USP3: variants seen among roughly 807,000 people sequenced by gnomAD.
USP3 encodes the protein ubiquitin carboxyl-terminal hydrolase 3.
In USP3, 20 loss-of-function variants were observed where a neutral mutation model predicts 72.3. That is an observed-to-expected ratio of 0.28 (90% CI 0.19 to 0.40). The LOEUF (loss-of-function observed/expected upper bound fraction) is 0.40, where lower values mean the gene tolerates loss of function less well. Among genes scored for constraint, USP3 ranks in the 10% least tolerant of loss-of-function variants. The pLI, the probability that USP3 is intolerant of heterozygous loss-of-function variation, is 1.00. For missense variants in USP3, 479 were observed against 633.9 expected (o/e 0.76, Z 2.62); for synonymous variants, 222 against 225.3 (o/e 0.99, Z 0.13).
intron 8 of USP3, among the ~76,000 whole-genome samples, chr15:63,569,200 T>C (rs2066741346): frequency 6.6e-6 from 1 of 152,226 alleles, no homozygotes; most frequent in Non-Finnish European, 1.5e-5. Context: ...TTGTATTAAA[T>C]AAGTTTAAGG....
intron 1 of USP3, among the ~76,000 whole-genome samples, chr15:63,531,546 GCTTA>G (rs1333834741): frequency 6.6e-6 from 1 of 152,154 alleles, no homozygotes; most frequent in Admixed American, 6.5e-5. Context: ...CGCTGAAAGG[GCTTA>G]CAGTTCTCCA....
rs1331175773 is a variant in USP3, at chr15:63,521,944, G to C, written c.92-10703G>C. 2.6e-5 allele frequency among the ~76,000 whole-genome samples: 4 copies of C among 152,146 alleles called. No individual in the cohort carries two copies. The East Asian group carries it at 5.8e-4, about 22-fold the overall frequency. On this transcript the variant is annotated intron_variant, in intron 1 of 14. Transcript: ENST00000380324. ...CCAGATGCTGCTGCTGGTCTCCTCCGGTGATTTGTTTATTTGAGACAAAAT... is the reference window on the plus strand; with the variant it reads ...CCAGATGCTGCTGCTGGTCTCCTCCCGTGATTTGTTTATTTGAGACAAAAT...
intron 14 of USP3, 98 bp from the exon 15 acceptor site, chr15:63,590,563 T>G: frequency 8.7e-7 from 1 of 1,153,268 alleles, no homozygotes; most frequent in Non-Finnish European, 1.2e-6. Context: ...AAGTCTAGGA[T>G]GTATTCTTAT....
rs1197944859 is a variant in USP3 at position 63,528,280 on chromosome 15, C to G, written c.92-4367C>G. ...CAATCTGAGTAAAAGATGAGTTTCA[C>G]TTATGAGACTCCCAGTCACACCGCT... is the stretch of plus-strand genomic sequence containing the variant. On this transcript the variant is annotated intron_variant, in intron 1 of 14. Coordinates refer to ENST00000380324, the MANE Select transcript of USP3 (RefSeq NM_006537.4). The surrounding 1 kb of genome is among the most constrained non-coding windows in gnomAD (Gnocchi z 4.3). 1 of 152,172 alleles carries G rather than the reference C, an allele frequency of 6.6e-6. No homozygotes were observed. The highest frequency in any genetic ancestry group is 2.4e-5 in the African/African-American group (1 of 41,426). 9.4% of individuals were successfully genotyped at this position (152,172 alleles called of 1,614,324 possible).
intron 8 of USP3, 121 bp downstream of exon 8, chr15:63,563,129 TTTTTTC>T: frequency 1.5e-6 from 1 of 655,916 alleles, no homozygotes; most frequent in South Asian, 3.6e-5. Context: ...GGTTTGGTGT[TTTTTTC>T]TTTTTAAGAA....
At chr15:63,504,932 G>C in intron 1 of USP3, 102 bp downstream of exon 1, 1 of 940,524 alleles carries the variant, frequency 1.1e-6, no homozygotes. Flanking sequence ...GACTCGGGGA[G>C]GGGCGAGGGC....
chr15:63,536,932 A>T, intron 2 of USP3, 93 bp from the exon 3 acceptor site: 1 of 1,326,418 alleles, frequency 7.5e-7, no homozygotes, highest in Non-Finnish European at 1.0e-6. Flanking sequence ...GGATTTCTTT[A>T]TTTTGATTTG....
intron 1 of USP3, among the ~76,000 whole-genome samples, chr15:63,515,274 G>T (rs570582683): frequency 3.2e-4 from 48 of 152,304 alleles, no homozygotes; most frequent in African/African-American, 1.1e-3. Flanking sequence ...TGTGGTAGAA[G>T]GAACCATAAC....
intron 1 of USP3, among the ~76,000 whole-genome samples, chr15:63,519,792 A>G (rs995161918): frequency 2.6e-5 from 4 of 152,168 alleles, no homozygotes; most frequent in African/African-American, 7.2e-5. Context: ...GTTAGTTGGC[A>G]TTCTGCTATA....
chr15:63,537,736 A>G (rs1479447217), intron 3 of USP3, among the ~76,000 whole-genome samples: 5 of 152,066 alleles, frequency 3.3e-5, no homozygotes, highest in East Asian at 1.9e-4. Flanking sequence ...CCCAGGCTGG[A>G]GTGCAATGGC....
rs745854196 is a variant in USP3, at chr15:63,556,718, A to G, written c.420A>G (p.Ser140=). 8.7e-6 allele frequency: 14 copies of G among 1,607,298 alleles called. No individual in the cohort carries two copies. In the Admixed American group the frequency reaches 1.7e-4, roughly 19 times the overall value. The part of the protein sequence containing the change: ...RHKKRKLLEN[S]TLNSKLLKVN... ...AGAAAAGAAAACTTTTGGAAAACTC[A>G]ACACTAAACAGCAAGTTATTAAAAG... The change falls in exon 5 of 15, where the codon TCA becomes TCG. Residue 140 remains serine (S), a synonymous_variant. Transcript: ENST00000380324.
At position 63,588,785 on chromosome 15, in the gene USP3, A is replaced by G; in HGVS notation, c.1299A>G (p.Arg433=). 1 of 1,614,164 alleles carries G rather than the reference A, an allele frequency of 6.2e-7. No individual in the cohort carries two copies. The highest frequency in any genetic ancestry group is 8.5e-7 in the Non-Finnish European group (1 of 1,179,978). The change falls in exon 13 of 15, where the codon AGA becomes AGG. Residue 433 remains arginine, a synonymous_variant. Transcript: ENST00000380324. The surrounding 1 kb of genome is among the most constrained non-coding windows in gnomAD (Gnocchi z 4.6). ...KVDTYVEFPL[R]GLDMKCYLLE... is the part of the protein sequence containing the mutation. ...ATACATACGTAGAATTTCCACTGAG[A>G]GGCCTAGACATGAAATGCTACTTAC...
intron 11 of USP3, among the ~76,000 whole-genome samples, chr15:63,579,847 T>TATATTCAAGAAAATGTA (rs2066922988): frequency 6.6e-6 from 1 of 152,204 alleles, no homozygotes; most frequent in Non-Finnish European, 1.5e-5. Context: ...AATCCTCACT[T>TATATTCAAGAAAATGTA]ATATTCAAGA....
Position 63,570,373 on chromosome 15 carries a change from T to C in USP3, c.762-60T>C, listed in dbSNP as rs2066759517. 6.2e-7 allele frequency: 1 copy of C among 1,608,870 alleles called. No individual in the cohort carries two copies. The highest frequency in any genetic ancestry group is 8.5e-7 in the Non-Finnish European group (1 of 1,178,428). On this transcript the variant is annotated intron_variant, in intron 8 of 14. Coordinates refer to ENST00000380324, the MANE Select transcript of USP3 (RefSeq NM_006537.4). This position sits in a 1 kb window ranked among gnomAD's most constrained non-coding sequence, Gnocchi z 4.4. ...TTTCCACGCCTTGGCCTCTTGCTGG[T>C]GTGGCTGGGCACAAAGAGCCCTCCA... is the stretch of plus-strand genomic sequence containing the variant.
Position 63,588,529 on chromosome 15 carries a change from C to G in USP3, c.1215+106C>G, listed in dbSNP as rs773374690. ...TATGTGAACTGTTCTGTATTTTTCT[C>G]TAGGATTTTCAGTAAAAGCTAAACC... is the stretch of plus-strand genomic sequence containing the variant. On this transcript the variant is annotated intron_variant, in intron 12 of 14. Transcript: ENST00000380324. This position sits in a 1 kb window ranked among gnomAD's most constrained non-coding sequence, Gnocchi z 4.6. 2 of 1,034,462 alleles carry G rather than the reference C, an allele frequency of 1.9e-6. No individual in the cohort carries two copies. Among genetic ancestry groups the G allele is most frequent in the Admixed American group, 4.5e-5 (2 of 44,176 alleles). The allele number at this position is 1,034,462 out of a possible 1,614,324, so 64.1% of individuals were successfully genotyped here. A position where few individuals can be genotyped will look rare whatever the true frequency, so the allele number is the denominator to read the frequency against.
At chr15:63,545,640 A>G (rs1283399351) in intron 3 of USP3, among the ~76,000 whole-genome samples, 1 of 151,966 alleles carries the variant, frequency 6.6e-6, no homozygotes, top group Non-Finnish European at 1.5e-5. Flanking sequence ...TCTATTAAAT[A>G]TAGTCCTTAT....
At chr15:63,541,605 T>C (rs2152663988) in intron 3 of USP3, among the ~76,000 whole-genome samples, 1 of 152,268 alleles carries the variant, frequency 6.6e-6, no homozygotes, top group East Asian at 1.9e-4. Flanking sequence ...GCTCTGCAGG[T>C]ATTCTTCTAA....
At chr15:63,542,654 G>T (rs1452640879) in intron 3 of USP3, among the ~76,000 whole-genome samples, 2 of 151,956 alleles carry the variant, frequency 1.3e-5, no homozygotes, top group Non-Finnish European at 2.9e-5. Flanking sequence ...GCCATTTCTC[G>T]TTTTAAAAAA....
In USP3 at chr15:63,570,728, C is replaced by T. The variant is rs1009398613; in HGVS notation, c.908+149C>T. Reference sequence around the variant, plus strand: ...CCCTTGAACTTTGTGACCCAGTGAACTAGCACATACCTCTTGCTTCTAGAC... The same window carrying T: ...CCCTTGAACTTTGTGACCCAGTGAATTAGCACATACCTCTTGCTTCTAGAC... On this transcript the variant is annotated intron_variant, in intron 9 of 14. Coordinates refer to ENST00000380324, the MANE Select transcript of USP3 (RefSeq NM_006537.4). The surrounding 1 kb of genome is among the most constrained non-coding windows in gnomAD (Gnocchi z 4.4). 2.0e-5 allele frequency: 22 copies of T among 1,099,426 alleles called. No homozygotes were observed. Among genetic ancestry groups the T allele is most frequent in the Non-Finnish European group, 2.8e-5 (22 of 784,724 alleles). The allele number at this position is 1,099,426 out of a possible 1,614,324, so 68.1% of individuals were successfully genotyped here.
Sources: allele counts gnomAD v4.1 joint callset (sites outside exome capture counted in the v4.1 genomes callset), GRCh38; gene constraint gnomAD v4.1.1; non-coding constraint Gnocchi (gnomAD v3.1); transcripts MANE v1.5; gene names NCBI Gene and HGNC (gene_info 2026-07-23, HGNC 2026-07-21).